SLC9A7: variants seen among roughly 807,000 people sequenced by gnomAD.
The protein encoded by SLC9A7 is solute carrier family 9 member A7.
Under a neutral mutation model 52.6 loss-of-function variants are expected in SLC9A7, and 19 were observed. That is an observed-to-expected ratio of 0.36 (90% confidence interval 0.25 to 0.53). The LOEUF is 0.53. SLC9A7 is among the 20% of genes least tolerant of loss of function. The pLI is 0.91. For missense variants in SLC9A7, 455 were observed against 597.9 expected, an observed-to-expected ratio of 0.76 and a Z score of 2.49; for synonymous variants, 226 against 252.1, an observed-to-expected ratio of 0.90 and a Z score of 0.98.
chrX:46,684,416 G>A (rs1944261723), intron 1 of SLC9A7, among the ~76,000 whole-genome samples: 1 of 111,621 alleles, frequency 9.0e-6, no homozygotes, highest in Non-Finnish European at 1.9e-5. Context: ...TGTTGGCTAG[G>A]CTGGTCTCGA....
intron 7 of SLC9A7, among the ~76,000 whole-genome samples, chrX:46,656,217 T>A (rs1278664771): frequency 6.3e-4 from 70 of 110,947 alleles, no homozygotes; most frequent in African/African-American, 2.1e-3. Flanking sequence ...CAAAAACCCA[T>A]CTGTACATCA....
intron 1 of SLC9A7, among the ~76,000 whole-genome samples, chrX:46,738,085 AAGAAAGAAAGAAAGAAAGAAAGAG>A (rs1188944043): frequency 2.9e-5 from 2 of 69,641 alleles, no homozygotes; most frequent in Non-Finnish European, 7.2e-5. Context: ...GAAAGAAAGA[AAGAAAGAAAGAAAGAAAGAAAGAG>A]AAAAGAAAAG....
Position 46,621,128 on chromosome X carries a change from CTTT to C in SLC9A7, c.1741-72_1741-70del, listed in dbSNP as rs891150035. ...ATCTCAAAGAAAGGGGAAAAAAAAC[CTTT>C]TTTAATAACTTGTATAGCTCTGGAG... On this transcript the variant is annotated intron_variant, in intron 14 of 16. Coordinates refer to ENST00000616978, the MANE Select transcript of SLC9A7 (RefSeq NM_001257291.2). 282 of 693,341 alleles carry C rather than the reference CTTT, an allele frequency of 4.1e-4. 2 individuals carry two copies. In the African/African-American group the frequency reaches 5.2e-3, roughly 13 times the overall value. 57.1% of individuals were successfully genotyped at this position (693,341 alleles called of 1,213,427 possible). A position where few individuals can be genotyped will look rare whatever the true frequency, so the allele number is the denominator to read the frequency against.
At chrX:46,708,725 G>A (rs1207577542) in intron 1 of SLC9A7, among the ~76,000 whole-genome samples, 1 of 111,540 alleles carries the variant, frequency 9.0e-6, no homozygotes, top group Non-Finnish European at 1.9e-5. Flanking sequence ...GCAGAGAAAC[G>A]AAAAATGTCT....
rs150192590 is a variant in SLC9A7 at position 46,675,621 on chromosome X, C to T, written c.604-2994G>A. ...TAGAATCCCTCTGACCTTCTCTTGC[C>T]CTCCTTTCATCTGCTCCTTTTTTGT... On this transcript the variant is annotated intron_variant, in intron 3 of 16. Coordinates refer to ENST00000616978, the MANE Select transcript of SLC9A7 (RefSeq NM_001257291.2). 5.9e-4 allele frequency among the ~76,000 whole-genome samples: 66 copies of T among 112,112 alleles called. 1 individual carries two copies. In the East Asian group the frequency reaches 0.016, roughly 27 times the overall value.
intron 1 of SLC9A7, chrX:46,725,510 C>T: frequency 1.0e-6 from 1 of 970,799 alleles, no homozygotes; most frequent in Non-Finnish European, 1.5e-6. Context: ...CAACCGTGGT[C>T]TTGGTGTCCT....
At chrX:46,741,856 A>G (rs1029499485) in intron 1 of SLC9A7, among the ~76,000 whole-genome samples, 1 of 110,062 alleles carries the variant, frequency 9.1e-6, no homozygotes, top group Non-Finnish European at 1.9e-5. Context: ...GAAAAAAAAA[A>G]CCCCAAAGCT....
intron 1 of SLC9A7, among the ~76,000 whole-genome samples, chrX:46,758,433 A>G (rs936621073): frequency 6.3e-5 from 7 of 111,714 alleles, no homozygotes; most frequent in Non-Finnish European, 5.7e-5. Context: ...TGCAACAGAG[A>G]CCGAACGGGG....
intron 16 of SLC9A7, among the ~76,000 whole-genome samples, chrX:46,608,443 A>G (rs932857815): frequency 5.3e-5 from 6 of 112,303 alleles, no homozygotes; most frequent in African/African-American, 9.7e-5. Flanking sequence ...TTGACAGGCA[A>G]GCACGCAACT....
intron 11 of SLC9A7, chrX:46,646,681 G>A (rs1027850804): frequency 3.6e-5 from 10 of 278,296 alleles, no homozygotes; most frequent in Admixed American, 2.2e-4. Context: ...TGCGCCTGAT[G>A]TGCTTCAAGT....
At chrX:46,743,332 T>C (rs1293704430) in intron 1 of SLC9A7, among the ~76,000 whole-genome samples, 1 of 112,237 alleles carries the variant, frequency 8.9e-6, no homozygotes, top group East Asian at 2.8e-4. Flanking sequence ...TGAATTCTGC[T>C]GTACCAGCCA....
At chrX:46,624,818 T>C (rs764018788) in intron 14 of SLC9A7, among the ~76,000 whole-genome samples, 1 of 112,420 alleles carries the variant, frequency 8.9e-6, no homozygotes, top group Non-Finnish European at 1.9e-5. Context: ...GAGAAGCCCC[T>C]TCAAGAAAAT....
At chrX:46,622,380 G>A (rs1291885478) in intron 14 of SLC9A7, among the ~76,000 whole-genome samples, 2 of 112,119 alleles carry the variant, frequency 1.8e-5, no homozygotes, top group Non-Finnish European at 3.8e-5. Context: ...TGACTGAGTA[G>A]AAAAGTAGCA....
At chrX:46,675,631 T>C (rs181850038) in intron 3 of SLC9A7, among the ~76,000 whole-genome samples, 1 of 112,275 alleles carries the variant, frequency 8.9e-6, no homozygotes, top group Non-Finnish European at 1.9e-5. Flanking sequence ...CCTCCTTTCA[T>C]CTGCTCCTTT....
At chrX:46,693,687 A>T (rs1170819220) in intron 1 of SLC9A7, among the ~76,000 whole-genome samples, 1 of 110,866 alleles carries the variant, frequency 9.0e-6, no homozygotes, top group Non-Finnish European at 1.9e-5. Context: ...AAAATCTGTG[A>T]GTTCCTAGGT....
intron 1 of SLC9A7, among the ~76,000 whole-genome samples, chrX:46,750,856 G>A (rs1922182826): frequency 8.9e-6 from 1 of 112,417 alleles, no homozygotes; most frequent in African/African-American, 3.2e-5. Flanking sequence ...AAGCAACCAA[G>A]ATGTCCTTCA....
At chrX:46,612,499 CTAACCA>C (rs1179975282) in intron 16 of SLC9A7, among the ~76,000 whole-genome samples, 1 of 111,853 alleles carries the variant, frequency 8.9e-6, no homozygotes, top group African/African-American at 3.2e-5. Flanking sequence ...AAGAAAGGAC[CTAACCA>C]TATCAACATA....
In SLC9A7 at chrX:46,740,082, A is replaced by G. The variant is rs189056720; in HGVS notation, c.325+18623T>C. 3.6e-5 allele frequency among the ~76,000 whole-genome samples: 4 copies of G among 112,211 alleles called. No individual in the cohort carries two copies. In the East Asian group the frequency reaches 1.1e-3, roughly 31 times the overall value. ...TTGTTTTAAATGTGTATTTAAACACATTTACATATACTTAACTGTATAAAC... is the reference window on the plus strand; with the variant it reads ...TTGTTTTAAATGTGTATTTAAACACGTTTACATATACTTAACTGTATAAAC... On this transcript the variant is annotated intron_variant, in intron 1 of 16. Transcript: ENST00000616978.
At chrX:46,723,809 T>C (rs1167951504) in intron 1 of SLC9A7, among the ~76,000 whole-genome samples, 1 of 112,142 alleles carries the variant, frequency 8.9e-6, no homozygotes, top group Non-Finnish European at 1.9e-5. Flanking sequence ...ACATTTTGGC[T>C]GGGCACAGTG....
Sources: gnomAD v4.1 joint callset for allele counts (sites outside exome capture counted in the v4.1 genomes callset) on GRCh38, gnomAD v4.1.1 for gene constraint, MANE v1.5 for transcripts, NCBI Gene and HGNC (gene_info 2026-07-23, HGNC 2026-07-21) for gene names.